TJP3: variants seen among roughly 807,000 people sequenced by gnomAD.
TJP3 encodes tight junction protein ZO-3.
In TJP3, 85 loss-of-function variants were observed where a neutral mutation model predicts 104.2. That is an observed-to-expected ratio of 0.82 (90% CI 0.68 to 0.98). The LOEUF (loss-of-function observed/expected upper bound fraction) is 0.98. Ranked by LOEUF, TJP3 falls within the 50% of genes least tolerant of loss-of-function variation. The probability of loss-of-function intolerance (pLI) is 0.00; values close to 1 mark genes in which losing one functional copy is unlikely to be tolerated. For missense variants in TJP3, 1,367 were observed against 1,322.8 expected (o/e 1.03, Z -0.52); for synonymous variants, 550 against 550.6 (o/e 1.00, Z 0.02).
rs778567470 is a variant in TJP3, at chr19:3,730,664, A to G, written c.571A>G (p.Lys191Glu). The change falls in exon 5 of 21, where the codon AAG (lysine) becomes GAG (glutamate). Residue 191 changes from lysine to glutamate, a missense_variant. Transcript: ENST00000541714. The surrounding 1 kb of genome is among the most constrained non-coding windows in gnomAD (Gnocchi z 7.3). ...GCTGCCACGGCAGGACGTGCAGATG[A>G]AGCCTGTGAAGTCAGTGCTGGTGAA... Reference protein sequence around the residue: ...KRLPRQDVQMKPVKSVLVKRR... With the variant: ...KRLPRQDVQMEPVKSVLVKRR... 1 of 1,610,966 alleles carries G rather than the reference A, an allele frequency of 6.2e-7. No individual in the cohort carries two copies. The highest frequency in any genetic ancestry group is 2.2e-5 in the East Asian group (1 of 44,874).
chr19:3,723,555 G>A (rs2036564681), intron 1 of TJP3, among the ~76,000 whole-genome samples: 2 of 152,134 alleles, frequency 1.3e-5, no homozygotes, highest in African/African-American at 4.8e-5. Flanking sequence ...ACTTTGGGAG[G>A]CTGAGGGAGG....
chr19:3,724,227 C>G (rs879475669), intron 1 of TJP3, among the ~76,000 whole-genome samples: 18 of 151,740 alleles, frequency 1.2e-4, no homozygotes, highest in Non-Finnish European at 1.5e-4. Flanking sequence ...ACGGAGTTTC[C>G]CTCTGTCGCC....
intron 13 of TJP3, among the ~76,000 whole-genome samples, chr19:3,739,666 G>A (rs1340548759): frequency 6.6e-6 from 1 of 152,150 alleles, no homozygotes; most frequent in Non-Finnish European, 1.5e-5. Flanking sequence ...TCCTCTTACA[G>A]TTCTGGAGAG....
At chr19:3,729,212 A>G (rs1206595472) in intron 3 of TJP3, among the ~76,000 whole-genome samples, 1 of 152,068 alleles carries the variant, frequency 6.6e-6, no homozygotes, top group African/African-American at 2.4e-5. Context: ...TTGGGGTCAT[A>G]GTGGCCCCAG....
chr19:3,736,694 C>A (rs989273947), intron 11 of TJP3, among the ~76,000 whole-genome samples: 2 of 151,084 alleles, frequency 1.3e-5, no homozygotes, highest in Admixed American at 1.3e-4. Context: ...TTCTGCCTCA[C>A]CTCCTGAGTA....
rs1339006093 is a variant in TJP3, at chr19:3,746,233, CCGAG to C, written c.2010+153_2010+156del. The C allele has an allele frequency of 1.1e-6, 1 of 874,312 alleles. No individual in the cohort carries two copies. The highest frequency in any genetic ancestry group is 1.7e-5 in the African/African-American group (1 of 59,480). 54.2% of individuals were successfully genotyped at this position (874,312 alleles called of 1,614,324 possible). A position where few individuals can be genotyped will look rare whatever the true frequency, so the allele number is the denominator to read the frequency against. ...TTGGAGGCTTTGTGAGGCAGGAGGC[CCGAG>C]ACAGACAAGGGCTTCTCGGAGTCAA... On this transcript the variant is annotated intron_variant, in intron 16 of 20. Coordinates refer to ENST00000541714, the MANE Select transcript of TJP3 (RefSeq NM_001267560.2). This position sits in a 1 kb window ranked among gnomAD's most constrained non-coding sequence, Gnocchi z 4.1.
chr19:3,745,550 T>C (rs1318973581), intron 15 of TJP3, among the ~76,000 whole-genome samples: 1 of 152,134 alleles, frequency 6.6e-6, no homozygotes, highest in African/African-American at 2.4e-5. Flanking sequence ...CTTTGCACGA[T>C]CCAGGAGGGC....
At chr19:3,724,152 G>A (rs889658366) in intron 1 of TJP3, among the ~76,000 whole-genome samples, 94 of 151,918 alleles carry the variant, frequency 6.2e-4, no homozygotes, top group African/African-American at 2.1e-3. Flanking sequence ...GGACTCCCTC[G>A]CCCCTCTCCC....
chr19:3,740,591 C>T lies in TJP3; in HGVS notation c.1671C>T (p.Ala557=), dbSNP rs370502572. 3.7e-5 allele frequency: 57 copies of T among 1,538,400 alleles called. No homozygotes were observed. Among genetic ancestry groups the T allele is most frequent in the East Asian group, 2.3e-4 (10 of 42,948 alleles). The change falls in exon 14 of 21, where the codon GCC becomes GCT. Residue 557 remains alanine (A), a synonymous_variant. Coordinates refer to ENST00000541714, the MANE Select transcript of TJP3 (RefSeq NM_001267560.2). ...CCAGCCTGGAAGCTGCCCAGAGGGC[C>T]GTGGGAGTCGGGCCCGGCTCCTCCG... The part of the protein sequence containing the change: ...QLASLEAAQR[A]VGVGPGSSAG...
intron 15 of TJP3, 31 bp from the exon 16 acceptor site, chr19:3,745,980 T>A (rs376759467): frequency 6.4e-7 from 1 of 1,569,424 alleles, no homozygotes; most frequent in East Asian, 2.3e-5. Context: ...GCTGCCCTCC[T>A]GAAGCTGCTG....
rs1228422585 is a variant in TJP3, at chr19:3,728,587, C to T, written c.49-17C>T. On this transcript the variant is annotated splice_polypyrimidine_tract_variant and intron_variant, in intron 2 of 20. Transcript: ENST00000541714. ...TGGGGGAAACAGCAGCTCTTCCTTC[C>T]CCTCATCCTCTCTCAGGACCCCCGC... 3.7e-6 allele frequency: 6 copies of T among 1,609,102 alleles called. No homozygotes were observed. The highest frequency in any genetic ancestry group is 5.1e-6 in the Non-Finnish European group (6 of 1,178,372).
intron 8 of TJP3, among the ~76,000 whole-genome samples, chr19:3,734,795 G>T (rs1161498063): frequency 1.3e-5 from 2 of 152,090 alleles, no homozygotes; most frequent in Non-Finnish European, 2.9e-5. Flanking sequence ...TCTCTACTAA[G>T]ATACCAAAAT....
chr19:3,750,640 T>C lies in TJP3; in HGVS notation c.2716T>C (p.Ser906Pro), dbSNP rs151150571. The change falls in exon 21 of 21, where the codon TCC (serine) becomes CCC (proline). Residue 906 changes from serine (S) to proline (P), a missense_variant. Ser to Pro is a moderately conservative substitution (Grantham distance 74). Coordinates refer to ENST00000541714, the MANE Select transcript of TJP3 (RefSeq NM_001267560.2). ...KFMRVHDAES[S>P]DEDGYDWGPA... ...TATGCGAGTACATGATGCGGAGTCC[T>C]CCGATGAAGACGGCTATGACTGGGG... 114 of 1,608,566 alleles carry C rather than the reference T, an allele frequency of 7.1e-5. No homozygotes were observed. Among genetic ancestry groups the C allele is most frequent in the Non-Finnish European group, 9.3e-5 (110 of 1,177,646 alleles).
At chr19:3,735,736 A>G in intron 9 of TJP3, 97 bp downstream of exon 9, 3 of 1,588,466 alleles carry the variant, frequency 1.9e-6, no homozygotes, top group Non-Finnish European at 1.7e-6. Flanking sequence ...CCTGAGCCTA[A>G]GTGGTGAGAC....
intron 18 of TJP3, 65 bp from the exon 19 acceptor site, chr19:3,747,729 G>T (rs1289162534): frequency 1.2e-5 from 18 of 1,456,050 alleles, no homozygotes; most frequent in East Asian, 2.5e-5. Context: ...AAGGTGGGGG[G>T]ATGTCGTGGG....
chr19:3,734,284 G>A (rs746928778), intron 7 of TJP3, 43 bp from the exon 8 acceptor site: 13 of 1,600,420 alleles, frequency 8.1e-6, no homozygotes, highest in Non-Finnish European at 1.1e-5. Flanking sequence ...GTCCAGTCCA[G>A]AAGGCGTGAC....
At position 3,744,106 on chromosome 19, in the gene TJP3, G is replaced by A. The variant is rs75079125; in HGVS notation, c.1939+72G>A. 3.6e-3 allele frequency: 5,064 copies of A among 1,417,434 alleles called. 183 individuals are homozygous for A. In the African/African-American group the frequency reaches 0.064, roughly 18 times the overall value. The allele number at this position is 1,417,434 out of a possible 1,614,324, so 87.8% of individuals were successfully genotyped here. A position where few individuals can be genotyped will look rare whatever the true frequency, so the allele number is the denominator to read the frequency against. ...CAACTGTTTTTTTGTGGGGGGTCGG[G>A]GGAGAGTTAGAATAATGATGGCAAA... On this transcript the variant is annotated intron_variant, in intron 15 of 20. Coordinates refer to ENST00000541714, the MANE Select transcript of TJP3 (RefSeq NM_001267560.2).
At chr19:3,742,517 T>C (rs1254027096) in intron 14 of TJP3, among the ~76,000 whole-genome samples, 1 of 149,992 alleles carries the variant, frequency 6.7e-6, no homozygotes, top group East Asian at 2.0e-4. Flanking sequence ...GGTGCAGCGA[T>C]TTTCCAAATA....
chr19:3,742,438 A>T (rs971546728), intron 14 of TJP3, among the ~76,000 whole-genome samples: 1 of 151,700 alleles, frequency 6.6e-6, no homozygotes, highest in Non-Finnish European at 1.5e-5. Flanking sequence ...GGGGGGAAAA[A>T]TGCCTCATCC....
Sources: gnomAD v4.1 joint callset for allele counts (sites outside exome capture counted in the v4.1 genomes callset) on GRCh38, gnomAD v4.1.1 for gene constraint, Gnocchi (gnomAD v3.1) non-coding constraint, MANE v1.5 for transcripts, NCBI Gene and HGNC (gene_info 2026-07-23, HGNC 2026-07-21) for gene names.